Variants in CMA1 observed in about 807,000 individuals in gnomAD.
CMA1 encodes chymase 1.
In CMA1, 24 loss-of-function variants were observed where a neutral mutation model predicts 18.8. The observed-to-expected ratio is 1.28, with a 90% CI of 0.92 to 1.80. The LOEUF is 1.80. Ranked by LOEUF, CMA1 falls within the 40% of genes most tolerant of loss-of-function variation. CMA1 has a pLI of 0.00. For synonymous variants in CMA1, 152 were observed against 117.0 expected (o/e 1.30, Z -1.93); for missense variants, 421 against 302.8 (o/e 1.39, Z -2.90).
rs143164371 is a variant in CMA1 at position 24,505,611 on chromosome 14, C to A, written c.649G>T (p.Val217Leu). 6.2e-7 allele frequency: 1 copy of A among 1,613,798 alleles called. No individual in the cohort carries two copies. The highest frequency in any genetic ancestry group is 1.7e-4 in the Middle Eastern group (1 of 5,914). The change falls in exon 5 of 5, where the codon GTA (valine) becomes TTA (leucine). Residue 217 changes from valine to leucine, a missense_variant. Val to Leu is a conservative substitution (Grantham distance 32). Transcript: ENST00000250378. ...LLCAGVAQGIVSYGRSDAKPP... is the reference protein window; with the variant it reads ...LLCAGVAQGILSYGRSDAKPP... ...TTTGCATCCGACCGTCCATAGGATA[C>A]GATGCCCTGGGCCACCCCAGCACAC...
chr14:24,507,269 T>A, intron 2 of CMA1, 87 bp downstream of exon 2: 1 of 1,508,822 alleles, frequency 6.6e-7, no homozygotes, highest in Non-Finnish European at 9.2e-7. Flanking sequence ...CAGGACCCCC[T>A]CTTCAGTCCC....
In CMA1 at chr14:24,506,611, T is replaced by C. The variant is rs748759337; in HGVS notation, c.210-7A>G. The stretch of plus-strand genomic sequence containing the variant: ...AAGGGTGACTGTTATAGACCTGTTG[T>C]GAGGAAGAAGGAAGGAAAAGGAGCG... On this transcript the variant is annotated splice_polypyrimidine_tract_variant and splice_region_variant and intron_variant, in intron 2 of 4. Coordinates refer to ENST00000250378, the MANE Select transcript of CMA1 (RefSeq NM_001836.5). The C allele has an allele frequency of 3.7e-6, 6 of 1,612,908 alleles. No individual in the cohort carries two copies. The highest frequency in any genetic ancestry group is 3.3e-5 in the Admixed American group (2 of 59,780).
In CMA1 at chr14:24,505,678, G is replaced by T; in HGVS notation, c.601-19C>A. Reference sequence around the variant, plus strand: ...AGTCTCCCTGTAGGGGGAGGAGAGAGAGAAGAAGGTGAGCCCGGGAAGTCC... The same window carrying T: ...AGTCTCCCTGTAGGGGGAGGAGAGATAGAAGAAGGTGAGCCCGGGAAGTCC... On this transcript the variant is annotated intron_variant, in intron 4 of 4. Coordinates refer to ENST00000250378, the MANE Select transcript of CMA1 (RefSeq NM_001836.5). The T allele has an allele frequency of 6.3e-7, 1 of 1,586,982 alleles. No homozygotes were observed. Among genetic ancestry groups the T allele is most frequent in the Non-Finnish European group, 8.6e-7 (1 of 1,167,588 alleles).
rs2043856388 is a variant in CMA1 at position 24,506,341 on chromosome 14, A to T, written c.346-59T>A. 1.9e-6 allele frequency: 3 copies of T among 1,597,302 alleles called. No individual in the cohort carries two copies. The East Asian group carries it at 6.7e-5, about 36-fold the overall frequency. On this transcript the variant is annotated intron_variant, in intron 3 of 4. Coordinates refer to ENST00000250378, the MANE Select transcript of CMA1 (RefSeq NM_001836.5). ...AATGGGCTCTGGACAGTTGGAGGTG[A>T]TCAGGGAGGGACAGGGTGAGTAGCT...
At position 24,506,600 on chromosome 14, in the gene CMA1, T is replaced by C. The variant is rs779823629; in HGVS notation, c.214A>G (p.Ile72Val). The C allele has an allele frequency of 6.2e-7, 1 of 1,613,906 alleles. No homozygotes were observed. The highest frequency in any genetic ancestry group is 1.3e-5 in the African/African-American group (1 of 74,914). ...LTAAHCAGRS[I>V]TVTLGAHNIT... The stretch of plus-strand genomic sequence containing the variant: ...TTATGGGCTCCAAGGGTGACTGTTA[T>C]AGACCTGTTGTGAGGAAGAAGGAAG... Residue 72 changes from isoleucine (I) to valine (V), a missense_variant, in exon 3 of 5, where the codon ATA becomes GTA. Coordinates refer to ENST00000250378, the MANE Select transcript of CMA1 (RefSeq NM_001836.5).
intron 4 of CMA1, 27 bp from the exon 5 acceptor site, chr14:24,505,686 G>A (rs773552345): frequency 1.3e-6 from 2 of 1,576,086 alleles, no homozygotes; most frequent in South Asian, 1.2e-5. Flanking sequence ...GAGAGAAGAA[G>A]GTGAGCCCGG....
At position 24,505,603 on chromosome 14, in the gene CMA1, A is replaced by G. The variant is rs777556273; in HGVS notation, c.657T>C (p.Tyr219=). ...CAGGGGGCTTTGCATCCGACCGTCC[A>G]TAGGATACGATGCCCTGGGCCACCC... ...CAGVAQGIVS[Y]GRSDAKPPAV... is the part of the protein sequence containing the mutation. Residue 219 remains tyrosine, a synonymous_variant, in exon 5 of 5, where the codon TAT becomes TAC. Coordinates refer to ENST00000250378, the MANE Select transcript of CMA1 (RefSeq NM_001836.5). 1.9e-5 allele frequency: 31 copies of G among 1,613,958 alleles called. 1 individual carries two copies. In the South Asian group the frequency reaches 3.1e-4, roughly 16 times the overall value.
rs992754327 is a variant in CMA1, at chr14:24,508,200, G to A, written c.36C>T (p.Leu12=). 6 of 1,613,844 alleles carry A rather than the reference G, an allele frequency of 3.7e-6. No individual in the cohort carries two copies. The African/African-American group carries it at 8.0e-5, about 22-fold the overall frequency. The change falls in exon 1 of 5, where the codon CTC becomes CTT. Residue 12 remains leucine, a synonymous_variant. Coordinates refer to ENST00000250378, the MANE Select transcript of CMA1 (RefSeq NM_001836.5). ...LLLPLPLLLF[L]LCSRAEAGEI... is the part of the protein sequence containing the mutation. ...CACCAGCTTCAGCTCTGGAGCACAA[G>A]AGAAAGAGCAGCAGGGGGAGAGGAA...
rs1311860226 is a variant in CMA1 at position 24,505,369 on chromosome 14, T to A, written c.*147A>T. 1.0e-4 allele frequency: 98 copies of A among 976,670 alleles called. 2 individuals are homozygous for A. In the South Asian group the frequency reaches 1.3e-3, roughly 13 times the overall value. The allele number at this position is 976,670 out of a possible 1,614,324, so 60.5% of individuals were successfully genotyped here. Reference sequence around the variant, plus strand: ...ACTAGAAGCTGTGTCTTCACTGAGGTTTATTGAGAGTTCTGTGACCTGTAG... The same window carrying A: ...ACTAGAAGCTGTGTCTTCACTGAGGATTATTGAGAGTTCTGTGACCTGTAG... On this transcript the variant is annotated 3_prime_UTR_variant, in exon 5 of 5. Transcript: ENST00000250378.
chr14:24,507,979 G>A (rs2043872992), intron 1 of CMA1, among the ~76,000 whole-genome samples, 199 bp downstream of exon 1: 1 of 151,160 alleles, frequency 6.6e-6, no homozygotes, highest in Non-Finnish European at 1.5e-5. Context: ...CTTGTTCCTG[G>A]GGGCTGTCCT....
intron 4 of CMA1, 99 bp from the exon 5 acceptor site, chr14:24,505,758 C>A: frequency 1.4e-6 from 2 of 1,424,280 alleles, no homozygotes; most frequent in Non-Finnish European, 1.9e-6. Context: ...AAGTCAGACG[C>A]AGGAGGTGGA....
chr14:24,506,069 G>T lies in CMA1; in HGVS notation c.559C>A (p.Leu187Met), dbSNP rs1196019752. The stretch of plus-strand genomic sequence containing the variant: ...GTCTTCCTGGGATTGCCCACACACA[G>T]CTGAAGATTGTGGTCAAAGTCTCTG... ...HFRDFDHNLQ[L>M]CVGNPRKTKS... Residue 187 changes from leucine to methionine, a missense_variant, in exon 4 of 5, where the codon CTG (leucine) becomes ATG (methionine). Coordinates refer to ENST00000250378, the MANE Select transcript of CMA1 (RefSeq NM_001836.5). 2 of 1,614,210 alleles carry T rather than the reference G, an allele frequency of 1.2e-6. No homozygotes were observed. Among genetic ancestry groups the T allele is most frequent in the Non-Finnish European group, 1.7e-6 (2 of 1,180,014 alleles).
At position 24,506,029 on chromosome 14, in the gene CMA1, T is replaced by G; in HGVS notation, c.599A>C (p.Lys200Thr). 6.2e-7 allele frequency: 1 copy of G among 1,614,076 alleles called. No individual in the cohort carries two copies. The highest frequency in any genetic ancestry group is 1.1e-5 in the South Asian group (1 of 91,054). Residue 200 changes from lysine to threonine, a missense_variant and splice_region_variant, in exon 4 of 5, where the codon AAG (lysine) becomes ACG (threonine). Physicochemically the swap from Lys to Thr is moderately conservative, Grantham distance 78 (BLOSUM62 -1). Coordinates refer to ENST00000250378, the MANE Select transcript of CMA1 (RefSeq NM_001836.5). ...GNPRKTKSAF[K>T]GDSGGPLLCA... The stretch of plus-strand genomic sequence containing the variant: ...GAGGAAACCTAGTTGGAGGATCACC[T>G]TAAATGCAGATTTTGTCTTCCTGGG...
At position 24,507,000 on chromosome 14, in the gene CMA1, T is replaced by G. The variant is rs10135806; in HGVS notation, c.209+356A>C. On this transcript the variant is annotated intron_variant, in intron 2 of 4. Transcript: ENST00000250378. ...CCATAAAATGATGGGTTCAGGACCC[T>G]GAGAACTAGAGGCCAGTGTTCTTGA... 9.3e-3 allele frequency among the ~76,000 whole-genome samples: 1,412 copies of G among 152,222 alleles called. 27 individuals are homozygous for G. The highest frequency in any genetic ancestry group is 0.033 in the African/African-American group (1,355 of 41,536).
intron 1 of CMA1, 184 bp downstream of exon 1, chr14:24,507,994 T>G: frequency 1.7e-6 from 1 of 577,768 alleles, no homozygotes; most frequent in Non-Finnish European, 3.0e-6. Context: ...TGTCCTAGGC[T>G]GTAGAGAATG....
At chr14:24,505,951 C>T in intron 4 of CMA1, 77 bp downstream of exon 4, 1 of 1,557,024 alleles carries the variant, frequency 6.4e-7, no homozygotes, top group Non-Finnish European at 8.7e-7. Context: ...TGACAACCTT[C>T]TGACCCCATC....
In CMA1 at chr14:24,506,136, C is replaced by G. The variant is rs767141573; in HGVS notation, c.492G>C (p.Glu164Asp). The change falls in exon 4 of 5, where the codon GAG (glutamate) becomes GAC (aspartate). Residue 164 changes from glutamate (E) to aspartate (D), a missense_variant. Physicochemically the swap from Glu to Asp is conservative, Grantham distance 45. Transcript: ENST00000250378. ...VLKPGSDTLQEVKLRLMDPQA... is the reference protein window; with the variant it reads ...VLKPGSDTLQDVKLRLMDPQA... ...GGGGATCCATGAGTCTCAGCTTCAC[C>G]TCTTGCAGAGTGTCTGAGCCCGGCT... 6.2e-7 allele frequency: 1 copy of G among 1,614,186 alleles called. No individual in the cohort carries two copies. The highest frequency in any genetic ancestry group is 1.1e-5 in the South Asian group (1 of 91,078).
chr14:24,505,396 A>C lies in CMA1; in HGVS notation c.*120T>G. The C allele has an allele frequency of 7.8e-7, 1 of 1,288,498 alleles. No individual in the cohort carries two copies. Among genetic ancestry groups the C allele is most frequent in the Non-Finnish European group, 1.1e-6 (1 of 896,678 alleles). The allele number at this position is 1,288,498 out of a possible 1,614,324, so 79.8% of individuals were successfully genotyped here. A position where few individuals can be genotyped will look rare whatever the true frequency, so the allele number is the denominator to read the frequency against. ...TATTGAGAGTTCTGTGACCTGTAGG[A>C]TACTTCTGGAGGCTTAGGGTTGTGG... On this transcript the variant is annotated 3_prime_UTR_variant, in exon 5 of 5. Transcript: ENST00000250378.
At position 24,506,489 on chromosome 14, in the gene CMA1, G is replaced by A. The variant is rs1171746760; in HGVS notation, c.325C>T (p.His109Tyr). The change falls in exon 3 of 5, where the codon CAC (histidine) becomes TAC (tyrosine). Residue 109 changes from histidine (H) to tyrosine (Y), a missense_variant. His to Tyr is a moderately conservative substitution (Grantham distance 83). Coordinates refer to ENST00000250378, the MANE Select transcript of CMA1 (RefSeq NM_001836.5). ...HPKYNTSTLH[H>Y]DIMLLKLKEK... ...GTCACCTTTAGTAACATGATATCGTGGTGAAGAGTAGAAGTGTTATATTTT... is the reference window on the plus strand; with the variant it reads ...GTCACCTTTAGTAACATGATATCGTAGTGAAGAGTAGAAGTGTTATATTTT... The A allele has an allele frequency of 1.2e-6, 2 of 1,614,154 alleles. No individual in the cohort carries two copies. The highest frequency in any genetic ancestry group is 1.7e-6 in the Non-Finnish European group (2 of 1,180,018).
Sources: gnomAD v4.1 joint callset for allele counts (sites outside exome capture counted in the v4.1 genomes callset) on GRCh38, gnomAD v4.1.1 for gene constraint, MANE v1.5 for transcripts, NCBI Gene and HGNC (gene_info 2026-07-23, HGNC 2026-07-21) for gene names.